Variants in BCL7A observed in about 807,000 individuals in gnomAD.
BCL7A encodes the protein BAF chromatin remodeling complex subunit BCL7A.
A neutral mutation model predicts 28.4 loss-of-function variants in BCL7A; 11 were observed. That is an observed-to-expected ratio of 0.39 (90% CI 0.24 to 0.64). BCL7A has a LOEUF of 0.64. Ranked by LOEUF, BCL7A falls within the 30% of genes least tolerant of loss-of-function variation. BCL7A has a pLI of 0.50. For missense variants in BCL7A, 222 were observed against 274.8 expected, an observed-to-expected ratio of 0.81 and a Z score of 1.36; for synonymous variants, 123 against 103.3, an observed-to-expected ratio of 1.19 and a Z score of -1.15.
At chr12:122,023,246 A>G (rs564987125) in intron 1 of BCL7A, among the ~76,000 whole-genome samples, 2 of 151,966 alleles carry the variant, frequency 1.3e-5, no homozygotes, top group Admixed American at 6.5e-5. Flanking sequence ...CAACTTTATT[A>G]TTTTTTTCCC....
chr12:122,038,004 C>T (rs1883889869), intron 3 of BCL7A, among the ~76,000 whole-genome samples: 1 of 151,858 alleles, frequency 6.6e-6, no homozygotes, highest in Admixed American at 6.6e-5. Context: ...ACCTGTAATC[C>T]CAGCTGCTCA....
intron 3 of BCL7A, among the ~76,000 whole-genome samples, chr12:122,042,133 C>T (rs1033763930): frequency 5.3e-5 from 8 of 152,030 alleles, no homozygotes; most frequent in East Asian, 1.9e-4. Context: ...AGGTGCAGCC[C>T]GGGCCCCAGC....
intron 1 of BCL7A, among the ~76,000 whole-genome samples, chr12:122,027,563 C>G (rs1883654939): frequency 6.6e-6 from 1 of 151,394 alleles, no homozygotes; most frequent in African/African-American, 2.4e-5. Context: ...ATAGGCTGGG[C>G]ACAGTGGCTT....
At chr12:122,036,711 CCTTT>C (rs1883863972) in intron 3 of BCL7A, among the ~76,000 whole-genome samples, 2 of 126,536 alleles carry the variant, frequency 1.6e-5, no homozygotes, top group Non-Finnish European at 3.2e-5. Flanking sequence ...ACCTAAAGCT[CCTTT>C]TTTTTTTTTA....
At position 122,059,503 on chromosome 12, in the gene BCL7A, C is replaced by G. The variant is rs1358680208; in HGVS notation, c.*340C>G. 1.0e-5 allele frequency: 3 copies of G among 291,674 alleles called. No individual in the cohort carries two copies. The highest frequency in any genetic ancestry group is 5.2e-5 in the East Asian group (1 of 19,072). The allele number at this position is 291,674 out of a possible 1,614,324, so 18.1% of individuals were successfully genotyped here. On this transcript the variant is annotated 3_prime_UTR_variant, in exon 6 of 6. Transcript: ENST00000261822. The surrounding 1 kb of genome is among the most constrained non-coding windows in gnomAD (Gnocchi z 4.0). The stretch of plus-strand genomic sequence containing the variant: ...TTCTCTATGTAACGATATAAGCTAT[C>G]GGAGGGTGGTACCGATCAGGAACGC...
intron 4 of BCL7A, among the ~76,000 whole-genome samples, chr12:122,049,035 A>AATATAT (rs1159174556): frequency 3.4e-4 from 20 of 58,354 alleles, no homozygotes; most frequent in East Asian, 4.8e-4. Context: ...AAAAAAAAAA[A>AATATAT]ATATATATAT....
At position 122,022,057 on chromosome 12, in the gene BCL7A, G is replaced by C. The variant is rs1406722394; in HGVS notation, c.-35G>C. 1 of 1,526,190 alleles carries C rather than the reference G, an allele frequency of 6.6e-7. No individual in the cohort carries two copies. Among genetic ancestry groups the C allele is most frequent in the South Asian group, 1.2e-5 (1 of 84,990 alleles). The allele number at this position is 1,526,190 out of a possible 1,614,324, so 94.5% of individuals were successfully genotyped here. ...GCGGAGCGCGAGCAGGACCCGGCGGGCGCGCTCCCCAGCCTCCGTCTCCCC... is the reference window on the plus strand; with the variant it reads ...GCGGAGCGCGAGCAGGACCCGGCGGCCGCGCTCCCCAGCCTCCGTCTCCCC... On this transcript the variant is annotated 5_prime_UTR_variant, in exon 1 of 6. Transcript: ENST00000261822.
chr12:122,027,962 A>G (rs2135840069), intron 1 of BCL7A, among the ~76,000 whole-genome samples: 1 of 152,274 alleles, frequency 6.6e-6, no homozygotes, highest in Non-Finnish European at 1.5e-5. Context: ...TTTGGGGGGC[A>G]ATTGTGGGAA....
intron 4 of BCL7A, among the ~76,000 whole-genome samples, chr12:122,050,698 A>G (rs574957221): frequency 6.6e-6 from 1 of 152,218 alleles, no homozygotes; most frequent in South Asian, 2.1e-4. Flanking sequence ...CGGGAGGCTA[A>G]GGTGGGAGGA....
In BCL7A at chr12:122,060,261, TC is replaced by T. The variant is rs1951909837; in HGVS notation, c.*1100del. ...CGCAGTGGTCAGAATCCACGTGCTT[TC>T]CTATTCTCAGGCTGTTCTGACTCTG... On this transcript the variant is annotated 3_prime_UTR_variant, in exon 6 of 6. Coordinates refer to ENST00000261822, the MANE Select transcript of BCL7A (RefSeq NM_001024808.3). 4.3e-6 allele frequency: 1 copy of T among 232,930 alleles called. No homozygotes were observed. The highest frequency in any genetic ancestry group is 1.8e-4 in the South Asian group (1 of 5,528). 14.4% of individuals were successfully genotyped at this position (232,930 alleles called of 1,614,324 possible). A position where few individuals can be genotyped will look rare whatever the true frequency, so the allele number is the denominator to read the frequency against.
chr12:122,023,003 G>A (rs1046370464), intron 1 of BCL7A, among the ~76,000 whole-genome samples: 1 of 152,296 alleles, frequency 6.6e-6, no homozygotes, highest in South Asian at 2.1e-4. Flanking sequence ...TTTGCGGAGG[G>A]AGCTGTTGTT....
intron 3 of BCL7A, among the ~76,000 whole-genome samples, chr12:122,040,677 A>C (rs1296722873): frequency 2.6e-5 from 4 of 151,996 alleles, no homozygotes; most frequent in Non-Finnish European, 5.9e-5. Flanking sequence ...CGTGCAGCCG[A>C]AAGCCAGTCA....
intron 1 of BCL7A, among the ~76,000 whole-genome samples, chr12:122,026,254 G>C (rs1203020468): frequency 2.1e-5 from 3 of 141,356 alleles, no homozygotes; most frequent in African/African-American, 8.0e-5. Context: ...GCGACAGAGC[G>C]AGACTCCGTC....
At chr12:122,023,708 C>G (rs1472658404) in intron 1 of BCL7A, among the ~76,000 whole-genome samples, 2 of 152,114 alleles carry the variant, frequency 1.3e-5, no homozygotes, top group Non-Finnish European at 2.9e-5. Context: ...ACAGGGTGCC[C>G]GGTGCCCGAC....
rs1883687345 is a variant in BCL7A, at chr12:122,029,074, T to C, written c.93-1626T>C. On this transcript the variant is annotated intron_variant, in intron 1 of 5. Coordinates refer to ENST00000261822, the MANE Select transcript of BCL7A (RefSeq NM_001024808.3). The surrounding 1 kb of genome is among the most constrained non-coding windows in gnomAD (Gnocchi z 4.3). ...GAGAGGCTGGTCTCAACAGCTGTGC[T>C]GGGTGAAGGGTTCGAGTGCTGGCTC... 1.3e-5 allele frequency among the ~76,000 whole-genome samples: 2 copies of C among 152,190 alleles called. No homozygotes were observed. Among genetic ancestry groups the C allele is most frequent in the Non-Finnish European group, 1.5e-5 (1 of 68,028 alleles).
rs117795225 is a variant in BCL7A at position 122,060,520 on chromosome 12, G to A, written c.*1357G>A. 2.7e-3 allele frequency: 630 copies of A among 232,320 alleles called. 5 individuals are homozygous for A. The highest frequency in any genetic ancestry group is 0.017 in the Admixed American group (308 of 17,728). 14.4% of individuals were successfully genotyped at this position (232,320 alleles called of 1,614,324 possible). A position where few individuals can be genotyped will look rare whatever the true frequency, so the allele number is the denominator to read the frequency against. On this transcript the variant is annotated 3_prime_UTR_variant, in exon 6 of 6. Coordinates refer to ENST00000261822, the MANE Select transcript of BCL7A (RefSeq NM_001024808.3). Reference sequence around the variant, plus strand: ...GCCCCCTTGGACGAACTGCCTAATCGTTTGGTTCTGAGGCCTGGTTTGCTC... The same window carrying A: ...GCCCCCTTGGACGAACTGCCTAATCATTTGGTTCTGAGGCCTGGTTTGCTC...
At chr12:122,040,117 C>A (rs1470305012) in intron 3 of BCL7A, among the ~76,000 whole-genome samples, 1 of 152,184 alleles carries the variant, frequency 6.6e-6, no homozygotes. Context: ...GTCTAATAAC[C>A]AACCGCATTT....
intron 1 of BCL7A, among the ~76,000 whole-genome samples, chr12:122,024,501 G>A (rs1368353558): frequency 1.4e-5 from 2 of 140,890 alleles, no homozygotes; most frequent in Admixed American, 1.4e-4. Context: ...CGAAAGCCTT[G>A]GACTTATTGC....
rs1405569387 is a variant in BCL7A at position 122,022,187 on chromosome 12, A to G, written c.92+4A>G. On this transcript the variant is annotated splice_donor_region_variant and intron_variant, in intron 1 of 5. Transcript: ENST00000261822. ...CGATCGAGAAAGTGCGCAAATGGTA[A>G]GCGGAGGCGCCCGCCGCCAGCCGCC... 1.4e-6 allele frequency: 2 copies of G among 1,476,712 alleles called. No homozygotes were observed. Among genetic ancestry groups the G allele is most frequent in the Non-Finnish European group, 1.8e-6 (2 of 1,107,438 alleles). The allele number at this position is 1,476,712 out of a possible 1,614,324, so 91.5% of individuals were successfully genotyped here.
Sources: gnomAD v4.1 joint callset for allele counts (sites outside exome capture counted in the v4.1 genomes callset) on GRCh38, gnomAD v4.1.1 for gene constraint, Gnocchi (gnomAD v3.1) non-coding constraint, MANE v1.5 for transcripts, NCBI Gene and HGNC (gene_info 2026-07-23, HGNC 2026-07-21) for gene names.